GALNTL6: variants seen among roughly 807,000 people sequenced by gnomAD.
GALNTL6 encodes the protein polypeptide N-acetylgalactosaminyltransferase like 6.
In GALNTL6, 46 loss-of-function variants were observed where a neutral mutation model predicts 73.7. That is an observed-to-expected ratio of 0.62 (90% CI 0.49 to 0.80). GALNTL6 has a LOEUF of 0.80. GALNTL6 is among the 30% of genes least tolerant of loss of function. GALNTL6 has a pLI of 0.00. For synonymous variants in GALNTL6, 259 were observed against 263.7 expected (o/e 0.98, Z 0.17); for missense variants, 604 against 755.0 (o/e 0.80, Z 2.34).
At chr4:172,481,808 G>A (rs1157330339) in intron 5 of GALNTL6, among the ~76,000 whole-genome samples, 1 of 152,164 alleles carries the variant, frequency 6.6e-6, no homozygotes, top group Non-Finnish European at 1.5e-5. Flanking sequence ...CCCAACTCAG[G>A]AGCCCAGCTG....
At chr4:172,545,427 T>C (rs1735711149) in intron 5 of GALNTL6, among the ~76,000 whole-genome samples, 1 of 152,188 alleles carries the variant, frequency 6.6e-6, no homozygotes, top group African/African-American at 2.4e-5. Flanking sequence ...CACTCCTCAC[T>C]TCAATCCACC....
At chr4:172,786,618 C>T (rs1338662561) in intron 5 of GALNTL6, among the ~76,000 whole-genome samples, 2 of 152,128 alleles carry the variant, frequency 1.3e-5, no homozygotes, top group African/African-American at 4.8e-5. Flanking sequence ...TCAATTCTTT[C>T]CAAAACTGTC....
chr4:172,810,918 T>A (rs1019973860), intron 6 of GALNTL6, among the ~76,000 whole-genome samples: 5 of 151,690 alleles, frequency 3.3e-5, no homozygotes, highest in Admixed American at 3.3e-4. Flanking sequence ...CCAAAGCAAA[T>A]CCCTAAATGC....
chr4:172,372,600 C>T (rs1184334484), intron 5 of GALNTL6, among the ~76,000 whole-genome samples: 5 of 152,140 alleles, frequency 3.3e-5, no homozygotes, highest in Non-Finnish European at 7.3e-5. Context: ...GTATGGACTC[C>T]AAGAGCTATC....
intron 7 of GALNTL6, among the ~76,000 whole-genome samples, chr4:172,836,220 G>A (rs1338939528): frequency 6.6e-6 from 1 of 152,172 alleles, no homozygotes; most frequent in Non-Finnish European, 1.5e-5. Context: ...TACAATAGCA[G>A]GCAGAAAAGA....
chr4:171,915,073 G>A (rs543565882), intron 2 of GALNTL6, among the ~76,000 whole-genome samples: 49 of 151,796 alleles, frequency 3.2e-4, no homozygotes, highest in Non-Finnish European at 5.9e-4. Flanking sequence ...TTTAAAGTTC[G>A]AAAAAATTAA....
chr4:172,322,314 T>C (rs1199714660), intron 4 of GALNTL6, among the ~76,000 whole-genome samples: 1 of 152,178 alleles, frequency 6.6e-6, no homozygotes, highest in Non-Finnish European at 1.5e-5. Context: ...GGTCTTTCAC[T>C]CTACACTCTA....
intron 5 of GALNTL6, among the ~76,000 whole-genome samples, chr4:172,591,074 G>A (rs1002921914): frequency 6.6e-6 from 1 of 152,138 alleles, no homozygotes; most frequent in Non-Finnish European, 1.5e-5. Flanking sequence ...AAAAAAGATA[G>A]TTTCCATTGT....
At chr4:172,145,356 G>A (rs1733903398) in intron 2 of GALNTL6, among the ~76,000 whole-genome samples, 1 of 151,996 alleles carries the variant, frequency 6.6e-6, no homozygotes, top group Non-Finnish European at 1.5e-5. Flanking sequence ...TAGCCAGAAG[G>A]GTCTCGATCT....
chr4:172,394,793 A>T (rs994673193), intron 5 of GALNTL6, among the ~76,000 whole-genome samples: 1 of 152,146 alleles, frequency 6.6e-6, no homozygotes, highest in African/African-American at 2.4e-5. Context: ...TAGCATGCTG[A>T]CACCCCTCCT....
chr4:172,081,988 C>T (rs1030625432), intron 2 of GALNTL6, among the ~76,000 whole-genome samples: 24 of 151,760 alleles, frequency 1.6e-4, no homozygotes, highest in African/African-American at 5.6e-4. Flanking sequence ...GCTATTCTCC[C>T]GCCTCAGCCT....
chr4:172,727,492 A>G (rs2111378318), intron 5 of GALNTL6, among the ~76,000 whole-genome samples: 1 of 152,376 alleles, frequency 6.6e-6, no homozygotes, highest in Admixed American at 6.5e-5. Context: ...AAATTAGCCA[A>G]ACAAATCCTG....
chr4:172,041,828 C>A (rs1250044110), intron 2 of GALNTL6, among the ~76,000 whole-genome samples: 1 of 151,984 alleles, frequency 6.6e-6, no homozygotes, highest in African/African-American at 2.4e-5. Context: ...GTATCCTCTC[C>A]TTGACTCTGG....
intron 8 of GALNTL6, among the ~76,000 whole-genome samples, chr4:172,898,959 G>T (rs1746479701): frequency 6.6e-6 from 1 of 152,142 alleles, no homozygotes; most frequent in African/African-American, 2.4e-5. Flanking sequence ...GAAAATCCCT[G>T]TCCTGTTCTG....
At chr4:172,725,575 C>A (rs1735747739) in intron 5 of GALNTL6, among the ~76,000 whole-genome samples, 1 of 152,108 alleles carries the variant, frequency 6.6e-6, no homozygotes, top group African/African-American at 2.4e-5. Flanking sequence ...CGTTGAGAGA[C>A]TATATTCCTA....
chr4:172,380,327 A>T (rs1743233887), intron 5 of GALNTL6: 1 of 726,656 alleles, frequency 1.4e-6, no homozygotes, highest in Non-Finnish European at 2.6e-6. Context: ...AAATAGTCCA[A>T]GTTTAAAAGT....
At chr4:172,287,900 T>C (rs1445746697) in intron 3 of GALNTL6, among the ~76,000 whole-genome samples, 1 of 152,080 alleles carries the variant, frequency 6.6e-6, no homozygotes, top group Admixed American at 6.6e-5. Context: ...TGAAAAACTA[T>C]AAATAAATGA....
chr4:172,490,750 G>A (rs1193967726), intron 5 of GALNTL6, among the ~76,000 whole-genome samples: 1 of 152,136 alleles, frequency 6.6e-6, no homozygotes, highest in Non-Finnish European at 1.5e-5. Context: ...GCAGACCCAA[G>A]AATCTGTACC....
chr4:172,249,690 A>T (rs1323876528), intron 3 of GALNTL6, among the ~76,000 whole-genome samples: 2 of 152,176 alleles, frequency 1.3e-5, no homozygotes, highest in Non-Finnish European at 2.9e-5. Flanking sequence ...AGGGGCCAAG[A>T]TACAATGGGG....
Sources: allele counts gnomAD v4.1 joint callset (sites outside exome capture counted in the v4.1 genomes callset), GRCh38; gene constraint gnomAD v4.1.1; transcripts MANE v1.5; gene names NCBI Gene and HGNC (gene_info 2026-07-23, HGNC 2026-07-21).